SPAG17: variants seen among roughly 807,000 people sequenced by gnomAD.
SPAG17 encodes sperm associated antigen 17.
SPAG17 carries 169 observed loss-of-function variants against 273.6 expected under a neutral mutation model. That is an observed-to-expected ratio of 0.62 (90% confidence interval 0.55 to 0.70). The LOEUF is 0.70. Among genes scored for constraint, SPAG17 ranks in the 30% least tolerant of loss-of-function variants. The pLI, the probability that SPAG17 is intolerant of heterozygous loss-of-function variation, is 0.00. For missense variants in SPAG17, 2,557 were observed against 2,627.8 expected (o/e 0.97, Z 0.59); for synonymous variants, 825 against 873.2 (o/e 0.94, Z 0.97).
chr1:118,072,968 T>A (rs981563623), intron 17 of SPAG17, among the ~76,000 whole-genome samples: 1 of 151,552 alleles, frequency 6.6e-6, no homozygotes, highest in Non-Finnish European at 1.5e-5. Context: ...AAGGGGTAAA[T>A]GCACTGAAGA....
At chr1:118,024,256 T>G (rs371042963) in intron 27 of SPAG17, among the ~76,000 whole-genome samples, 5 of 152,146 alleles carry the variant, frequency 3.3e-5, no homozygotes, top group Non-Finnish European at 5.9e-5. Context: ...TTATATCATA[T>G]GGACCCTTTT....
Position 118,100,596 on chromosome 1 carries a change from CACTAA to C in SPAG17, c.635-801_635-797del, listed in dbSNP as rs571811368. ...TTTTAAGTTATGACTTTTCTTCTATCACTAAACTAATCAATGTTGATATTGCCCAT... is the reference window on the plus strand; with the variant it reads ...TTTTAAGTTATGACTTTTCTTCTATCACTAATCAATGTTGATATTGCCCAT... On this transcript the variant is annotated intron_variant, in intron 5 of 48. Coordinates refer to ENST00000336338, the MANE Select transcript of SPAG17 (RefSeq NM_206996.4). Among the ~76,000 whole-genome samples the C allele has an allele frequency of 1.1e-3, 171 of 152,282 alleles. 2 individuals carry two copies. The highest frequency in any genetic ancestry group is 3.9e-3 in the African/African-American group (161 of 41,564).
chr1:118,003,490 G>A (rs1240422247), intron 32 of SPAG17, among the ~76,000 whole-genome samples: 1 of 152,074 alleles, frequency 6.6e-6, no homozygotes, highest in African/African-American at 2.4e-5. Context: ...TTTTCACATA[G>A]TCCTGTATTT....
chr1:118,121,446 A>G (rs893834687), intron 3 of SPAG17, among the ~76,000 whole-genome samples: 1 of 152,158 alleles, frequency 6.6e-6, no homozygotes, highest in African/African-American at 2.4e-5. Flanking sequence ...ACTGGGCCAC[A>G]TGGCAGGAGG....
At chr1:118,141,876 T>A (rs1006063238) in intron 3 of SPAG17, among the ~76,000 whole-genome samples, 1 of 152,232 alleles carries the variant, frequency 6.6e-6, no homozygotes, top group Non-Finnish European at 1.5e-5. Flanking sequence ...AGAAGAATAA[T>A]GTATATTAGT....
chr1:117,959,251 G>A, intron 48 of SPAG17: 1 of 1,591,998 alleles, frequency 6.3e-7, no homozygotes, highest in Non-Finnish European at 8.5e-7. Context: ...ATGAATTGAA[G>A]TGGGAGAAAA....
intron 3 of SPAG17, among the ~76,000 whole-genome samples, chr1:118,121,474 A>G (rs1338740387): frequency 6.6e-6 from 1 of 152,062 alleles, no homozygotes; most frequent in Non-Finnish European, 1.5e-5. Flanking sequence ...CAGGTGAGGG[A>G]GCATTACTGC....
chr1:118,028,782 T>A (rs1200905938), intron 25 of SPAG17, among the ~76,000 whole-genome samples: 1 of 152,172 alleles, frequency 6.6e-6, no homozygotes, highest in Non-Finnish European at 1.5e-5. Flanking sequence ...CAAACTCGTA[T>A]GTTGGAACCT....
chr1:118,090,115 G>C (rs566005001), intron 10 of SPAG17, among the ~76,000 whole-genome samples: 1 of 152,248 alleles, frequency 6.6e-6, no homozygotes, highest in African/African-American at 2.4e-5. Context: ...AATACAATGG[G>C]GGATAAAAAC....
At chr1:117,984,427 TAGTG>T (rs1656179995) in intron 41 of SPAG17, among the ~76,000 whole-genome samples, 1 of 152,186 alleles carries the variant, frequency 6.6e-6, no homozygotes, top group South Asian at 2.1e-4. Context: ...GGGTAAGTAA[TAGTG>T]AGACTGAAAG....
Position 117,955,687 on chromosome 1 carries a change from T to TGGA in SPAG17, c.*1-1641_*1-1639dup, listed in dbSNP as rs372443328. 6.8e-4 allele frequency among the ~76,000 whole-genome samples: 104 copies of TGGA among 152,208 alleles called. 2 individuals carry two copies. Among genetic ancestry groups the TGGA allele is most frequent in the East Asian group, 6.6e-3 (34 of 5,188 alleles). On this transcript the variant is annotated intron_variant, in intron 48 of 48. Coordinates refer to ENST00000336338, the MANE Select transcript of SPAG17 (RefSeq NM_206996.4). ...CTTCTTTTCTATGTACATACACAAT[T>TGGA]GGAATATTATATAAAGTTTTATATT...
intron 15 of SPAG17, 122 bp from the exon 16 acceptor site, chr1:118,074,722 A>T: frequency 4.7e-6 from 4 of 859,076 alleles, no homozygotes; most frequent in Non-Finnish European, 7.5e-6. Flanking sequence ...GCAATGCCTG[A>T]AAGGCATGTT....
chr1:117,981,642 A>ATCCT (rs1467664069), intron 42 of SPAG17, among the ~76,000 whole-genome samples: 1 of 152,158 alleles, frequency 6.6e-6, no homozygotes, highest in Non-Finnish European at 1.5e-5. Flanking sequence ...ACTCCCTAGG[A>ATCCT]GCTAGCTGGT....
Position 117,959,118 on chromosome 1 carries a change from T to A in SPAG17, c.*4681A>T. 2.3e-6 allele frequency: 3 copies of A among 1,290,756 alleles called. No individual in the cohort carries two copies. The South Asian group carries it at 4.4e-5, about 19-fold the overall frequency. 80.0% of individuals were successfully genotyped at this position (1,290,756 alleles called of 1,614,324 possible). A position where few individuals can be genotyped will look rare whatever the true frequency, so the allele number is the denominator to read the frequency against. On this transcript the variant is annotated intron_variant, in intron 48 of 48. Transcript: ENST00000336338. ...ATACCCACCACCGATAAATCCATAT[T>A]TGAGATAGTTTTTGTTAGAATTAGT...
At chr1:118,152,718 A>G (rs934712543) in intron 1 of SPAG17, among the ~76,000 whole-genome samples, 1 of 152,188 alleles carries the variant, frequency 6.6e-6, no homozygotes, top group Non-Finnish European at 1.5e-5. Context: ...AGTTGAAAAC[A>G]TTCTTTTGTC....
intron 43 of SPAG17, among the ~76,000 whole-genome samples, chr1:117,978,103 T>C (rs897452272): frequency 2.0e-5 from 3 of 152,240 alleles, no homozygotes; most frequent in African/African-American, 7.2e-5. Context: ...TATTATTCTG[T>C]CATATCCAGC....
chr1:118,109,058 G>A (rs1255689959), intron 4 of SPAG17, among the ~76,000 whole-genome samples: 1 of 151,690 alleles, frequency 6.6e-6, no homozygotes, highest in Admixed American at 6.6e-5. Flanking sequence ...TAATTAATAA[G>A]TATTCATTCT....
intron 3 of SPAG17, among the ~76,000 whole-genome samples, chr1:118,123,849 T>C (rs1312835929): frequency 6.6e-6 from 1 of 152,188 alleles, no homozygotes; most frequent in Non-Finnish European, 1.5e-5. Flanking sequence ...GTAAGGAAGT[T>C]TCAGAAGCAG....
At chr1:117,990,275 T>C (rs571293761) in intron 38 of SPAG17, among the ~76,000 whole-genome samples, 108 of 152,344 alleles carry the variant, frequency 7.1e-4, no homozygotes, top group African/African-American at 2.4e-3. Context: ...ATGAAGCGCA[T>C]GGCTGCCAGT....
Sources: gnomAD v4.1 joint callset for allele counts (sites outside exome capture counted in the v4.1 genomes callset) on GRCh38, gnomAD v4.1.1 for gene constraint, MANE v1.5 for transcripts, NCBI Gene and HGNC (gene_info 2026-07-23, HGNC 2026-07-21) for gene names.